ANKRD27: variants seen among roughly 807,000 people sequenced by gnomAD.
ANKRD27 encodes ankyrin repeat domain-containing protein 27.
Under a neutral mutation model 129.7 loss-of-function variants are expected in ANKRD27, and 112 were observed. The observed-to-expected ratio is 0.86, with a 90% CI of 0.74 to 1.01. ANKRD27 has a LOEUF of 1.01. Ranked by LOEUF, ANKRD27 falls within the 50% of genes least tolerant of loss-of-function variation. The probability of loss-of-function intolerance (pLI) is 0.00; values close to 1 mark genes in which losing one functional copy is unlikely to be tolerated. For missense variants in ANKRD27, 1,258 were observed against 1,300.5 expected (o/e 0.97, Z 0.50); for synonymous variants, 516 against 511.2 (o/e 1.01, Z -0.13).
At chr19:32,612,700 G>A (rs1354905407) in intron 22 of ANKRD27, among the ~76,000 whole-genome samples, 1 of 152,182 alleles carries the variant, frequency 6.6e-6, no homozygotes, top group Non-Finnish European at 1.5e-5. Flanking sequence ...GGAGGAAGGA[G>A]AGGCTTTTCA....
At position 32,642,038 on chromosome 19, in the gene ANKRD27, G is replaced by C. The variant is rs866062215; in HGVS notation, c.890C>G (p.Ser297Cys). The C allele has an allele frequency of 1.9e-6, 3 of 1,600,956 alleles. No individual in the cohort carries two copies. The African/African-American group carries it at 4.0e-5, about 21-fold the overall frequency. Residue 297 changes from serine (S) to cysteine (C), a missense_variant, in exon 10 of 29, where the codon TCT becomes TGT. Coordinates refer to ENST00000306065, the MANE Select transcript of ANKRD27 (RefSeq NM_032139.3). Reference protein sequence around the residue: ...LRKVVQLITQSPSQRVNLETM... With the variant: ...LRKVVQLITQCPSQRVNLETM... ...CAAGCACAAACCTCTCTGGCTTGGA[G>C]ACTGTGTAATGAGCTGCACCACTTT...
At chr19:32,621,299 C>G (rs1021513263) in intron 18 of ANKRD27, among the ~76,000 whole-genome samples, 2 of 151,862 alleles carry the variant, frequency 1.3e-5, no homozygotes, top group Admixed American at 1.3e-4. Flanking sequence ...CTGGGCAACA[C>G]ACTAAGATCT....
chr19:32,604,010 G>T (rs928781814), intron 25 of ANKRD27, among the ~76,000 whole-genome samples: 34 of 152,276 alleles, frequency 2.2e-4, no homozygotes, highest in Admixed American at 9.2e-4. Flanking sequence ...GCTGAGGGGG[G>T]GGCCCCTCCA....
At chr19:32,625,267 A>G (rs1448961525) in intron 17 of ANKRD27, among the ~76,000 whole-genome samples, 2 of 152,184 alleles carry the variant, frequency 1.3e-5, no homozygotes, top group Non-Finnish European at 2.9e-5. Context: ...AAAATAAATA[A>G]TAAGTAAATA....
At chr19:32,662,423 T>C (rs1475650666) in intron 1 of ANKRD27, among the ~76,000 whole-genome samples, 1 of 151,244 alleles carries the variant, frequency 6.6e-6, no homozygotes, top group Non-Finnish European at 1.5e-5. Context: ...GCTGTACAAT[T>C]TGTGAGTGTC....
chr19:32,642,884 C>T (rs1048198917), intron 9 of ANKRD27, among the ~76,000 whole-genome samples: 3 of 152,180 alleles, frequency 2.0e-5, no homozygotes, highest in African/African-American at 7.2e-5. Flanking sequence ...CTGCACAAAA[C>T]CCCGTGCCCA....
intron 23 of ANKRD27, among the ~76,000 whole-genome samples, chr19:32,606,617 C>CCGATG (rs1555739632): frequency 6.6e-6 from 1 of 152,108 alleles, no homozygotes; most frequent in Non-Finnish European, 1.5e-5. Flanking sequence ...CTCACTTCAC[C>CCGATG]TTTCTATCCT....
intron 2 of ANKRD27, among the ~76,000 whole-genome samples, chr19:32,652,447 G>T (rs1242845671): frequency 6.6e-6 from 1 of 151,904 alleles, no homozygotes; most frequent in African/African-American, 2.4e-5. Flanking sequence ...ACAAAAATTA[G>T]CCAGGCGCGG....
chr19:32,656,162 C>T (rs913639259), intron 2 of ANKRD27, among the ~76,000 whole-genome samples: 1 of 149,854 alleles, frequency 6.7e-6, no homozygotes, highest in African/African-American at 2.5e-5. Flanking sequence ...GAAGTGGCAG[C>T]TGCCAGGCTC....
chr19:32,634,748 T>C (rs1435738342), intron 12 of ANKRD27, among the ~76,000 whole-genome samples: 4 of 152,028 alleles, frequency 2.6e-5, no homozygotes, highest in Non-Finnish European at 5.9e-5. Flanking sequence ...AAATCCTATC[T>C]CCACAAAAAT....
At chr19:32,606,968 AAAAAAAG>A in intron 23 of ANKRD27, among the ~76,000 whole-genome samples, 1 of 141,168 alleles carries the variant, frequency 7.1e-6, no homozygotes, top group Non-Finnish European at 1.5e-5. Context: ...AAAAAAAAAA[AAAAAAAG>A]AAAAATTTAT....
At chr19:32,620,793 G>A (rs1240550627) in intron 18 of ANKRD27, among the ~76,000 whole-genome samples, 3 of 151,368 alleles carry the variant, frequency 2.0e-5, no homozygotes, top group Non-Finnish European at 1.5e-5. Context: ...AGCTGAGGTG[G>A]GAGGATGCCT....
chr19:32,652,604 A>T (rs1427436347), intron 2 of ANKRD27, among the ~76,000 whole-genome samples: 1 of 151,252 alleles, frequency 6.6e-6, no homozygotes, highest in Non-Finnish European at 1.5e-5. Flanking sequence ...TGGGGGAAAG[A>T]AAGTCCTGCA....
intron 23 of ANKRD27, among the ~76,000 whole-genome samples, chr19:32,606,877 A>C (rs8106944): frequency 0.6 from 86,113 of 143,302 alleles, 26,349 homozygotes; most frequent in Non-Finnish European, 0.7. Context: ...CCAAGGTGGG[A>C]GGATCGCTTG....
At chr19:32,628,997 T>G in intron 13 of ANKRD27, 148 bp from the exon 14 acceptor site, 2 of 749,526 alleles carry the variant, frequency 2.7e-6, no homozygotes, top group Non-Finnish European at 4.1e-6. Context: ...CTCAGCTCAC[T>G]GCAACCTCTG....
At chr19:32,598,827 T>TTTAA (rs1751007538) in intron 28 of ANKRD27, among the ~76,000 whole-genome samples, 1 of 152,184 alleles carries the variant, frequency 6.6e-6, no homozygotes, top group Admixed American at 6.5e-5. Context: ...TTAAAATCAT[T>TTTAA]TTAATTATCT....
rs61747397 is a variant in ANKRD27 at position 32,598,346 on chromosome 19, A to T, written c.2952T>A (p.Asn984Lys). 8.0e-4 allele frequency: 1,288 copies of T among 1,614,168 alleles called. 14 individuals carry two copies. The African/African-American group carries it at 0.016, about 20-fold the overall frequency. The change falls in exon 29 of 29, where the codon AAT becomes AAA. Residue 984 changes from asparagine (N) to lysine (K), a missense_variant. Coordinates refer to ENST00000306065, the MANE Select transcript of ANKRD27 (RefSeq NM_032139.3). ...PGRQSVTLRQNNLPAQSGSHA... is the reference protein window; with the variant it reads ...PGRQSVTLRQKNLPAQSGSHA... ...GAGATCCACTCTGAGCTGGCAGGTT[A>T]TTCTGTCTCAGTGTGACACTTTGCC...
At chr19:32,648,927 T>C (rs1253808705) in intron 3 of ANKRD27, among the ~76,000 whole-genome samples, 5 of 151,588 alleles carry the variant, frequency 3.3e-5, no homozygotes, top group Non-Finnish European at 7.4e-5. Flanking sequence ...TACTAAAACA[T>C]TTGAAATTAT....
chr19:32,672,675 A>G (rs1236084523), intron 1 of ANKRD27: 1 of 152,408 alleles, frequency 6.6e-6, no homozygotes, highest in Non-Finnish European at 1.5e-5. Flanking sequence ...CAGGACTGGA[A>G]CCAGGGCGGG....
Sources: allele counts gnomAD v4.1 joint callset (sites outside exome capture counted in the v4.1 genomes callset), GRCh38; gene constraint gnomAD v4.1.1; transcripts MANE v1.5; gene names NCBI Gene and HGNC (gene_info 2026-07-23, HGNC 2026-07-21).